Variants in RALB observed in about 807,000 individuals in gnomAD.
The protein encoded by RALB is RAS like proto-oncogene B.
A neutral mutation model predicts 21.3 loss-of-function variants in RALB; 16 were observed. The ratio of observed to expected loss-of-function variants is 0.75; its 90% CI spans 0.51 to 1.14. RALB has a LOEUF of 1.14. Ranked by LOEUF, RALB falls within the 50% of genes most tolerant of loss-of-function variation. The probability of loss-of-function intolerance (pLI) is 0.00; values close to 1 mark genes in which losing one functional copy is unlikely to be tolerated. For missense variants in RALB, 161 were observed against 256.2 expected (o/e 0.63, Z 2.54); for synonymous variants, 93 against 96.1 (o/e 0.97, Z 0.19).
chr2:120,269,766 G>T (rs1356807143), intron 1 of RALB, among the ~76,000 whole-genome samples: 1 of 152,202 alleles, frequency 6.6e-6, no homozygotes, highest in African/African-American at 2.4e-5. Flanking sequence ...AAATTTTAAA[G>T]ATTATTATAG....
chr2:120,278,037 G>GTC (rs78537402), intron 1 of RALB, among the ~76,000 whole-genome samples: 2 of 20,184 alleles, frequency 9.9e-5, no homozygotes, highest in African/African-American at 4.7e-4. Context: ...ATGTGAGAGC[G>GTC]TGAGTGTGTG....
rs554819097 is a variant in RALB, at chr2:120,242,025, G to A, written c.19+1900G>A. 1.7e-4 allele frequency among the ~76,000 whole-genome samples: 26 copies of A among 152,288 alleles called. No individual in the cohort carries two copies. The East Asian group carries it at 4.4e-3, about 26-fold the overall frequency. On this transcript the variant is annotated intron_variant, in intron 1 of 3. Transcript: ENST00000447591. ...GGTGGAAGCAACCCCAGTGTCCATG[G>A]GCAGGTGAGTGGATAAACAGAGTGT...
chr2:120,277,359 G>C (rs546118796), intron 1 of RALB, among the ~76,000 whole-genome samples: 2 of 78,072 alleles, frequency 2.6e-5, no homozygotes, highest in African/African-American at 1.2e-4. Context: ...ACATGTGTGT[G>C]AGAGCATGTG....
chr2:120,245,155 T>C (rs936409597), intron 1 of RALB, among the ~76,000 whole-genome samples: 1 of 152,138 alleles, frequency 6.6e-6, no homozygotes, highest in African/African-American at 2.4e-5. Context: ...ACTTTATAGA[T>C]GAGAACACAA....
rs1276932487 is a variant in RALB, at chr2:120,294,430, ACTTT to A, written c.*1174_*1177del. ...ATTTTCATTGATGACATATCTTTAA[ACTTT>A]CTTGCATCAGTATTCTAAATTGAGC... On this transcript the variant is annotated 3_prime_UTR_variant, in exon 5 of 5. Transcript: ENST00000272519. The A allele has an allele frequency of 1.0e-5, 4 of 396,924 alleles. No homozygotes were observed. Among genetic ancestry groups the A allele is most frequent in the Non-Finnish European group, 1.8e-5 (4 of 225,296 alleles). The allele number at this position is 396,924 out of a possible 1,614,324, so 24.6% of individuals were successfully genotyped here. A position where few individuals can be genotyped will look rare whatever the true frequency, so the allele number is the denominator to read the frequency against.
At chr2:120,250,617 G>C (rs1689038377), upstream of RALB, among the ~76,000 whole-genome samples, 1 of 152,234 alleles carries the variant, frequency 6.6e-6, no homozygotes, top group African/African-American at 2.4e-5. Context: ...TTCCATGGCA[G>C]CAGTCGTTTA....
At chr2:120,277,262 TAA>T (rs1689822246) in intron 1 of RALB, among the ~76,000 whole-genome samples, 3 of 151,918 alleles carry the variant, frequency 2.0e-5, no homozygotes, top group East Asian at 1.9e-4. Context: ...TATGAGAGCA[TAA>T]GAGTGCATGG....
chr2:120,263,666 C>G (rs1283438212), intron 1 of RALB, among the ~76,000 whole-genome samples: 1 of 147,808 alleles, frequency 6.8e-6, no homozygotes, highest in Non-Finnish European at 1.5e-5. Flanking sequence ...CTCAAGCAAT[C>G]CTCCCACCTC....
chr2:120,265,946 A>C (rs1308223821), intron 1 of RALB, among the ~76,000 whole-genome samples: 1 of 152,260 alleles, frequency 6.6e-6, no homozygotes, highest in Non-Finnish European at 1.5e-5. Flanking sequence ...CAGGAACTTC[A>C]GAGTGAATCT....
intron 1 of RALB, among the ~76,000 whole-genome samples, chr2:120,259,214 G>T (rs757226858): frequency 5.3e-5 from 8 of 152,224 alleles, no homozygotes; most frequent in Admixed American, 5.2e-4. Context: ...AGGGACCCCA[G>T]CGAGTTGCCA....
chr2:120,262,722 C>T (rs955922010), intron 1 of RALB, among the ~76,000 whole-genome samples: 1 of 152,142 alleles, frequency 6.6e-6, no homozygotes, highest in African/African-American at 2.4e-5. Flanking sequence ...CTGTTAGAGC[C>T]GTTTCGGGAG....
At chr2:120,245,251 G>A (rs191802610) in intron 1 of RALB, among the ~76,000 whole-genome samples, 23 of 152,316 alleles carry the variant, frequency 1.5e-4, no homozygotes, top group African/African-American at 4.8e-4. Context: ...CAGGGAGCAC[G>A]GATATGGTTG....
At chr2:120,282,239 G>A (rs1431503173) in intron 2 of RALB, among the ~76,000 whole-genome samples, 1 of 152,110 alleles carries the variant, frequency 6.6e-6, no homozygotes, top group Non-Finnish European at 1.5e-5. Context: ...AGCACTTTGG[G>A]AGGCCGAGGC....
chr2:120,284,613 T>A (rs1690079211), intron 2 of RALB, among the ~76,000 whole-genome samples: 1 of 152,208 alleles, frequency 6.6e-6, no homozygotes, highest in East Asian at 1.9e-4. Context: ...TTAGCCAGGC[T>A]GGTCTCGAAC....
intron 1 of RALB, among the ~76,000 whole-genome samples, chr2:120,255,930 C>CTATGTGATTTTATTGAG (rs11271580): frequency 2.0e-5 from 3 of 151,904 alleles, no homozygotes; most frequent in Non-Finnish European, 4.4e-5. Context: ...TTGTTCCAAG[C>CTATGTGATTTTATTGAG]TATACGGCAT....
chr2:120,291,752 G>A (rs1189446786), intron 4 of RALB, among the ~76,000 whole-genome samples: 4 of 152,172 alleles, frequency 2.6e-5, no homozygotes, highest in Non-Finnish European at 5.9e-5. Flanking sequence ...CACTGTTGCT[G>A]TCTTGGGCAG....
intron 1 of RALB, among the ~76,000 whole-genome samples, chr2:120,259,438 A>G (rs561907746): frequency 6.6e-6 from 1 of 152,344 alleles, no homozygotes; most frequent in East Asian, 1.9e-4. Flanking sequence ...GCAGCTAGAT[A>G]CAGAGTGTCA....
intron 1 of RALB, among the ~76,000 whole-genome samples, chr2:120,275,723 T>C (rs1308169380): frequency 6.6e-6 from 1 of 152,124 alleles, no homozygotes; most frequent in African/African-American, 2.4e-5. Flanking sequence ...GTCCACCATG[T>C]TGTAGTTAGA....
intron 2 of RALB, among the ~76,000 whole-genome samples, chr2:120,279,438 C>CG (rs931286665): frequency 6.6e-6 from 1 of 151,792 alleles, no homozygotes; most frequent in African/African-American, 2.4e-5. Flanking sequence ...TGAAAATATT[C>CG]GGGAAAAAAA....
Sources: gnomAD v4.1 joint callset for allele counts (sites outside exome capture counted in the v4.1 genomes callset) on GRCh38, gnomAD v4.1.1 for gene constraint, MANE v1.5 for transcripts, NCBI Gene and HGNC (gene_info 2026-07-23, HGNC 2026-07-21) for gene names.